The following INPP4B variants were observed in gnomAD, a reference collection of about 807,000 sequenced individuals.
INPP4B encodes inositol polyphosphate-4-phosphatase type II B.
In INPP4B, 55 loss-of-function variants were observed where a neutral mutation model predicts 122.5. The observed-to-expected ratio is 0.45, with a 90% CI of 0.36 to 0.56. INPP4B has a LOEUF of 0.56. Ranked by LOEUF, INPP4B falls within the 20% of genes least tolerant of loss-of-function variation. The pLI is 0.00. For synonymous variants in INPP4B, 403 were observed against 388.7 expected (o/e 1.04, Z -0.43); for missense variants, 1,000 against 1,097.7 (o/e 0.91, Z 1.26).
At chr4:142,418,505 CAA>C (rs1806214308) in intron 5 of INPP4B, among the ~76,000 whole-genome samples, 1 of 151,944 alleles carries the variant, frequency 6.6e-6, no homozygotes. Context: ...TTTTAAAAAA[CAA>C]TGAGAATTCT....
At chr4:142,146,202 C>CT (rs1810636360) in intron 17 of INPP4B, among the ~76,000 whole-genome samples, 1 of 151,980 alleles carries the variant, frequency 6.6e-6, no homozygotes, top group Non-Finnish European at 1.5e-5. Context: ...GTATTATAAA[C>CT]CTTTTTATTT....
At chr4:142,484,668 G>A (rs1209880640) in intron 2 of INPP4B, among the ~76,000 whole-genome samples, 3 of 151,992 alleles carry the variant, frequency 2.0e-5, no homozygotes, top group African/African-American at 4.8e-5. Context: ...ATAGGTAAAC[G>A]TGTGTCATGG....
chr4:142,361,828 ATAAT>A (rs1236102393), intron 7 of INPP4B, among the ~76,000 whole-genome samples: 2 of 151,958 alleles, frequency 1.3e-5, no homozygotes, highest in Non-Finnish European at 2.9e-5. Flanking sequence ...AAGAATGAAA[ATAAT>A]TAATTTTATA....
intron 12 of INPP4B, among the ~76,000 whole-genome samples, chr4:142,229,343 C>A (rs776615301): frequency 3.3e-5 from 5 of 151,958 alleles, no homozygotes; most frequent in Non-Finnish European, 5.9e-5. Flanking sequence ...GTGTGATTCT[C>A]AATAAAGTAT....
At chr4:142,340,109 A>G (rs770264306) in intron 7 of INPP4B, among the ~76,000 whole-genome samples, 3 of 152,202 alleles carry the variant, frequency 2.0e-5, no homozygotes, top group Non-Finnish European at 4.4e-5. Flanking sequence ...CTAAAAGCAC[A>G]TCGCATGGAG....
chr4:142,563,332 A>C (rs1340390323), intron 2 of INPP4B, among the ~76,000 whole-genome samples: 1 of 152,204 alleles, frequency 6.6e-6, no homozygotes, highest in Non-Finnish European at 1.5e-5. Flanking sequence ...ATTTAATGGA[A>C]TGGTACATCC....
chr4:142,198,647 A>T (rs572395741), intron 14 of INPP4B, among the ~76,000 whole-genome samples: 1 of 151,762 alleles, frequency 6.6e-6, no homozygotes, highest in Non-Finnish European at 1.5e-5. Context: ...TCCCTACAGT[A>T]TTCCTTTGCT....
intron 7 of INPP4B, among the ~76,000 whole-genome samples, chr4:142,389,722 T>C (rs960001953): frequency 2.0e-5 from 3 of 152,208 alleles, no homozygotes; most frequent in Admixed American, 6.5e-5. Flanking sequence ...AAATAACTTA[T>C]GAGATTTTTT....
At chr4:142,184,634 A>G (rs1371501360) in intron 15 of INPP4B, among the ~76,000 whole-genome samples, 1 of 152,208 alleles carries the variant, frequency 6.6e-6, no homozygotes, top group African/African-American at 2.4e-5. Context: ...ACTGTGGTAA[A>G]CTGGACAGAC....
chr4:142,204,547 C>T (rs148752266), intron 14 of INPP4B, among the ~76,000 whole-genome samples: 9 of 151,940 alleles, frequency 5.9e-5, no homozygotes, highest in African/African-American at 2.2e-4. Flanking sequence ...TTTACTTGTA[C>T]CTCGCAAGAA....
intron 17 of INPP4B, among the ~76,000 whole-genome samples, chr4:142,152,180 T>G (rs1814486889): frequency 6.8e-6 from 1 of 147,602 alleles, no homozygotes; most frequent in African/African-American, 2.5e-5. Context: ...TTCATGCCAT[T>G]CTCCTGCCTC....
At chr4:142,042,157 A>C (rs1440154053) in intron 25 of INPP4B, among the ~76,000 whole-genome samples, 1 of 152,152 alleles carries the variant, frequency 6.6e-6, no homozygotes, top group Non-Finnish European at 1.5e-5. Context: ...CCTGTCTTTT[A>C]CCATGCTTGC....
intron 17 of INPP4B, among the ~76,000 whole-genome samples, chr4:142,146,232 C>T (rs1810648849): frequency 6.6e-6 from 1 of 152,076 alleles, no homozygotes; most frequent in Non-Finnish European, 1.5e-5. Flanking sequence ...TTTTCACTGT[C>T]ATAAAGAAAT....
At chr4:142,256,700 G>C (rs969128965) in intron 11 of INPP4B, among the ~76,000 whole-genome samples, 19 of 152,166 alleles carry the variant, frequency 1.2e-4, no homozygotes, top group Non-Finnish European at 2.4e-4. Flanking sequence ...CTCTGAAATT[G>C]TGGCAATAAT....
intron 1 of INPP4B, among the ~76,000 whole-genome samples, chr4:142,745,165 A>T (rs1768522378): frequency 6.6e-6 from 1 of 151,808 alleles, no homozygotes; most frequent in Non-Finnish European, 1.5e-5. Context: ...ACACTATAGA[A>T]TTTTTTAAAA....
intron 3 of INPP4B, among the ~76,000 whole-genome samples, chr4:142,458,769 C>T (rs1816066420): frequency 6.6e-6 from 1 of 152,148 alleles, no homozygotes; most frequent in Non-Finnish European, 1.5e-5. Context: ...ATGAGGCTCC[C>T]TTGGGTTTGA....
chr4:142,526,982 ACAAT>A (rs1241603596), intron 2 of INPP4B, among the ~76,000 whole-genome samples: 6 of 152,076 alleles, frequency 3.9e-5, no homozygotes, highest in Non-Finnish European at 5.9e-5. Flanking sequence ...TCTTCACAAT[ACAAT>A]CAATTTACTT....
intron 9 of INPP4B, among the ~76,000 whole-genome samples, chr4:142,300,883 A>G (rs1579657902): frequency 6.6e-6 from 1 of 152,168 alleles, no homozygotes; most frequent in East Asian, 1.9e-4. Flanking sequence ...AAATACTTGC[A>G]CATCTCTATT....
intron 23 of INPP4B, among the ~76,000 whole-genome samples, chr4:142,102,742 C>T (rs1019504595): frequency 6.6e-6 from 1 of 151,970 alleles, no homozygotes; most frequent in Non-Finnish European, 1.5e-5. Flanking sequence ...GAGGCCTAGT[C>T]CTCTTCTGTC....
Sources: gnomAD v4.1 joint callset for allele counts (sites outside exome capture counted in the v4.1 genomes callset) on GRCh38, gnomAD v4.1.1 for gene constraint, MANE v1.5 for transcripts, NCBI Gene and HGNC (gene_info 2026-07-23, HGNC 2026-07-21) for gene names.